Variants in KLF3 observed in about 807,000 individuals in gnomAD.
The protein encoded by KLF3 is KLF transcription factor 3.
A neutral mutation model predicts 32.7 loss-of-function variants in KLF3; 6 were observed. That is an observed-to-expected ratio of 0.18 (90% CI 0.10 to 0.36). KLF3 has a LOEUF of 0.36. KLF3 is among the 10% of genes least tolerant of loss of function. KLF3 has a pLI of 1.00. For synonymous variants in KLF3, 145 were observed against 172.8 expected, an observed-to-expected ratio of 0.84 and a Z score of 1.26; for missense variants, 338 against 449.7, an observed-to-expected ratio of 0.75 and a Z score of 2.25.
At chr4:38,696,981 TATGA>T in intron 5 of KLF3, 97 bp from the exon 6 acceptor site, 1 of 982,050 alleles carries the variant, frequency 1.0e-6, no homozygotes, top group African/African-American at 1.6e-5. Context: ...AGAACAAATG[TATGA>T]ACATATCTTG....
At chr4:38,667,755 G>A (rs1324311124) in intron 1 of KLF3, among the ~76,000 whole-genome samples, 1 of 152,202 alleles carries the variant, frequency 6.6e-6, no homozygotes, top group Non-Finnish European at 1.5e-5. Context: ...TCTGAAAGAT[G>A]TGGCCCACCC....
Position 38,694,734 on chromosome 4 carries a change from T to C in KLF3, c.696-12T>C. The C allele has an allele frequency of 6.5e-7, 1 of 1,545,486 alleles. No homozygotes were observed. Among genetic ancestry groups the C allele is most frequent in the South Asian group, 1.3e-5 (1 of 78,566 alleles). ...GCTCTCAACATTTGGCCTGTAACCT[T>C]GGCTTTCACAGGAATCACCCTTCGG... On this transcript the variant is annotated splice_polypyrimidine_tract_variant and intron_variant, in intron 4 of 5. Coordinates refer to ENST00000261438, the MANE Select transcript of KLF3 (RefSeq NM_016531.6).
chr4:38,694,618 C>A, intron 4 of KLF3, 128 bp from the exon 5 acceptor site: 2 of 824,728 alleles, frequency 2.4e-6, no homozygotes, highest in Non-Finnish European at 3.7e-6. Flanking sequence ...CAGCTAATTT[C>A]TTTTTGTTTA....
rs944703440 is a variant in KLF3 at position 38,688,689 on chromosome 4, G to T, written c.162G>T (p.Ser54=). The part of the protein sequence containing the change: ...EKFFQTPEGL[S]HGIQMEPVDL... ...TCTTTCAGACCCCAGAAGGTCTGTC[G>T]CACGGAATACAGATGGAGCCAGTGG... The change falls in exon 3 of 6, where the codon TCG becomes TCT. Residue 54 remains serine, a synonymous_variant. Coordinates refer to ENST00000261438, the MANE Select transcript of KLF3 (RefSeq NM_016531.6). This position sits in a 1 kb window ranked among gnomAD's most constrained non-coding sequence, Gnocchi z 4.9. The T allele has an allele frequency of 3.1e-6, 5 of 1,613,988 alleles. No homozygotes were observed. In the African/African-American group the frequency reaches 5.3e-5, roughly 17 times the overall value.
chr4:38,690,089 G>T, intron 4 of KLF3: 1 of 418,912 alleles, frequency 2.4e-6, no homozygotes, highest in Non-Finnish European at 4.2e-6. Context: ...TATGACAAAA[G>T]TTACATCAAG....
chr4:38,688,644 C>A lies in KLF3; in HGVS notation c.117C>A (p.Ser39=). The A allele has an allele frequency of 6.2e-7, 1 of 1,614,124 alleles. No homozygotes were observed. The highest frequency in any genetic ancestry group is 8.5e-7 in the Non-Finnish European group (1 of 1,179,968). The change falls in exon 3 of 6, where the codon TCC becomes TCA. Residue 39 remains serine (S), a synonymous_variant. Coordinates refer to ENST00000261438, the MANE Select transcript of KLF3 (RefSeq NM_016531.6). This position sits in a 1 kb window ranked among gnomAD's most constrained non-coding sequence, Gnocchi z 4.9. ...CTAACAAGTATGGGGTCATCTACTCCACACCATTGCCTGAGAAGTTCTTTC... is the reference window on the plus strand; with the variant it reads ...CTAACAAGTATGGGGTCATCTACTCAACACCATTGCCTGAGAAGTTCTTTC... ...MKPNKYGVIY[S]TPLPEKFFQT... is the part of the protein sequence containing the mutation.
intron 4 of KLF3, among the ~76,000 whole-genome samples, chr4:38,693,733 G>T (rs972226843): frequency 1.7e-4 from 26 of 152,122 alleles, no homozygotes; most frequent in Non-Finnish European, 1.0e-4. Flanking sequence ...GATATATCAA[G>T]TAATTAGTCA....
chr4:38,677,439 G>C (rs1467334675), intron 1 of KLF3, among the ~76,000 whole-genome samples: 3 of 152,198 alleles, frequency 2.0e-5, no homozygotes, highest in Non-Finnish European at 4.4e-5. Flanking sequence ...AGTCGTTGCT[G>C]TGGGCATTAG....
At chr4:38,682,151 C>T (rs375264476) in intron 2 of KLF3, among the ~76,000 whole-genome samples, 55 of 152,390 alleles carry the variant, frequency 3.6e-4, no homozygotes, top group Middle Eastern at 6.8e-3. Context: ...CTCCGCCTCC[C>T]AGGTTCAAGT....
chr4:38,691,365 G>A (rs1722873027), intron 4 of KLF3, among the ~76,000 whole-genome samples: 1 of 152,192 alleles, frequency 6.6e-6, no homozygotes, highest in African/African-American at 2.4e-5. Context: ...CTTAGAGGTG[G>A]AATTAACTCT....
At chr4:38,696,638 T>TA (rs1723052612) in intron 5 of KLF3, among the ~76,000 whole-genome samples, 1 of 152,242 alleles carries the variant, frequency 6.6e-6, no homozygotes, top group Non-Finnish European at 1.5e-5. Context: ...CTTCAGTTGT[T>TA]AGAGACTTCA....
chr4:38,692,291 C>T (rs1398322710), intron 4 of KLF3, among the ~76,000 whole-genome samples: 1 of 152,122 alleles, frequency 6.6e-6, no homozygotes, highest in Non-Finnish European at 1.5e-5. Flanking sequence ...AGTGTGAGAT[C>T]CCAAGACTCT....
chr4:38,691,367 A>G (rs1174408908), intron 4 of KLF3, among the ~76,000 whole-genome samples: 2 of 152,236 alleles, frequency 1.3e-5, no homozygotes, highest in Non-Finnish European at 2.9e-5. Context: ...TAGAGGTGGA[A>G]TTAACTCTTT....
intron 1 of KLF3, among the ~76,000 whole-genome samples, chr4:38,667,222 TTC>T (rs977111628): frequency 9.9e-5 from 15 of 152,208 alleles, no homozygotes; most frequent in Non-Finnish European, 2.9e-5. Context: ...GGCTAAATGT[TTC>T]TCTGTGCTTT....
chr4:38,676,574 A>G (rs1479978665), intron 1 of KLF3, among the ~76,000 whole-genome samples: 13 of 152,210 alleles, frequency 8.5e-5, no homozygotes. Context: ...TTTTCTTTGC[A>G]TGTCCTTTAT....
In KLF3 at chr4:38,694,859, T is replaced by G. The variant is rs985226995; in HGVS notation, c.809T>G (p.Val270Gly). Residue 270 changes from valine (V) to glycine (G), a missense_variant, in exon 5 of 6, where the codon GTG becomes GGG. Val to Gly is a moderately radical substitution (Grantham distance 109). Transcript: ENST00000261438. ...TGTGATTATGATGGATGCAACAAAG[T>G]GTACACTAAAAGCTCCCACTTGAAA... ...HRCDYDGCNKVYTKSSHLKAH... is the reference protein window; with the variant it reads ...HRCDYDGCNKGYTKSSHLKAH... 20 of 1,606,680 alleles carry G rather than the reference T, an allele frequency of 1.2e-5. No homozygotes were observed. The highest frequency in any genetic ancestry group is 1.7e-5 in the Non-Finnish European group (20 of 1,177,568).
At chr4:38,689,244 G>C (rs1000421192) in intron 3 of KLF3, among the ~76,000 whole-genome samples, 173 bp downstream of exon 3, 5 of 151,920 alleles carry the variant, frequency 3.3e-5, no homozygotes, top group African/African-American at 4.9e-5. Context: ...TACTGGAAGA[G>C]ATCCCAAGAA....
At position 38,688,151 on chromosome 4, in the gene KLF3, C is replaced by T. The variant is rs1722758150; in HGVS notation, c.58-434C>T. Among the ~76,000 whole-genome samples the T allele has an allele frequency of 6.6e-6, 1 of 152,202 alleles. No homozygotes were observed. The highest frequency in any genetic ancestry group is 1.5e-5 in the Non-Finnish European group (1 of 68,034). On this transcript the variant is annotated intron_variant, in intron 2 of 5. Coordinates refer to ENST00000261438, the MANE Select transcript of KLF3 (RefSeq NM_016531.6). This position sits in a 1 kb window ranked among gnomAD's most constrained non-coding sequence, Gnocchi z 4.9. ...AGACATCAAAGCTAGAGAGCATTTC[C>T]TGCTCATCAAGAAACCCCACCAGAA...
rs1010962477 is a variant in KLF3, at chr4:38,700,312, T to C, written c.*3049T>C. The C allele has an allele frequency of 2.0e-5, 3 of 152,238 alleles. No homozygotes were observed. The highest frequency in any genetic ancestry group is 2.0e-4 in the Admixed American group (3 of 15,286). The allele number at this position is 152,238 out of a possible 1,614,324, so 9.4% of individuals were successfully genotyped here. ...CCCATCTGCACTATCAGTATTGCAC[T>C]AATGTGGAATTTGAAAGACTATTTT... is the stretch of plus-strand genomic sequence containing the variant. On this transcript the variant is annotated 3_prime_UTR_variant, in exon 6 of 6. Coordinates refer to ENST00000261438, the MANE Select transcript of KLF3 (RefSeq NM_016531.6).
Sources: allele counts gnomAD v4.1 joint callset (sites outside exome capture counted in the v4.1 genomes callset), GRCh38; gene constraint gnomAD v4.1.1; non-coding constraint Gnocchi (gnomAD v3.1); transcripts MANE v1.5; gene names NCBI Gene and HGNC (gene_info 2026-07-23, HGNC 2026-07-21).